The following DNAH12 variants were observed in gnomAD, a reference collection of about 807,000 sequenced individuals.
The protein encoded by DNAH12 is dynein axonemal heavy chain 12.
DNAH12 carries 285 observed loss-of-function variants against 371.5 expected under a neutral mutation model. The ratio of observed to expected loss-of-function variants is 0.77; its 90% CI spans 0.70 to 0.85. The LOEUF is 0.85. DNAH12 is among the 40% of genes least tolerant of loss of function. The pLI, the probability that DNAH12 is intolerant of heterozygous loss-of-function variation, is 0.00. For synonymous variants in DNAH12, 1,200 were observed against 1,213.0 expected (o/e 0.99, Z 0.22); for missense variants, 3,611 against 3,689.4 (o/e 0.98, Z 0.55).
At position 57,310,740 on chromosome 3, in the gene DNAH12, C is replaced by T; in HGVS notation, c.10873G>A (p.Glu3625Lys). ...ACCTTAATGAATTCAATGTAGTCCT[C>T]ATAAGTGCCTTTAGGAGGTGCAAAA... is the stretch of plus-strand genomic sequence containing the variant. Reference protein sequence around the residue: ...NYFAPPKGTYEDYIEFIKKLP... With the variant: ...NYFAPPKGTYKDYIEFIKKLP... Residue 3625 changes from glutamate to lysine, a missense_variant, in exon 67 of 74, where the codon GAG becomes AAG. By Grantham distance (56) the Glu-to-Lys change is moderately conservative (BLOSUM62 1). This residue lies in a region of DNAH12 where 2,266 missense variants were observed against 2,236.9 expected (regional missense o/e 1.01). Coordinates refer to ENST00000495027, the MANE Select transcript of DNAH12 (RefSeq NM_001366028.2). 1 of 1,551,292 alleles carries T rather than the reference C, an allele frequency of 6.4e-7. No individual in the cohort carries two copies. Among genetic ancestry groups the T allele is most frequent in the African/African-American group, 1.4e-5 (1 of 73,158 alleles).
At chr3:57,508,642 T>G in intron 6 of DNAH12, 102 bp from the exon 7 acceptor site, 1 of 1,354,904 alleles carries the variant, frequency 7.4e-7, no homozygotes, top group Non-Finnish European at 9.8e-7. Context: ...GTGAGAAAAC[T>G]GGGGCTTGAG....
intron 58 of DNAH12, among the ~76,000 whole-genome samples, chr3:57,361,970 C>G (rs1405580387): frequency 6.6e-6 from 1 of 151,986 alleles, no homozygotes. Flanking sequence ...CCCATTAACT[C>G]GTCATTTACA....
intron 47 of DNAH12, among the ~76,000 whole-genome samples, chr3:57,385,651 G>A (rs2063486146): frequency 6.6e-6 from 1 of 152,196 alleles, no homozygotes; most frequent in Admixed American, 6.5e-5. Context: ...GGAGGTCAAG[G>A]CCGGTGGACT....
At chr3:57,358,210 A>G (rs2062844283) in intron 58 of DNAH12, among the ~76,000 whole-genome samples, 2 of 152,244 alleles carry the variant, frequency 1.3e-5, no homozygotes, top group African/African-American at 4.8e-5. Context: ...TGGAGAATTA[A>G]AACTTTAAAA....
intron 4 of DNAH12, among the ~76,000 whole-genome samples, 178 bp from the exon 5 acceptor site, chr3:57,511,157 T>C (rs2067984950): frequency 6.6e-6 from 1 of 152,178 alleles, no homozygotes; most frequent in Non-Finnish European, 1.5e-5. Context: ...CATTTTATCT[T>C]TTTCTTTATT....
At chr3:57,303,560 C>T (rs542946421) in intron 69 of DNAH12, among the ~76,000 whole-genome samples, 42 of 151,804 alleles carry the variant, frequency 2.8e-4, no homozygotes, top group South Asian at 2.7e-3. Context: ...TACAGGTGCC[C>T]GCTACCACGC....
chr3:57,441,762 A>G (rs2065313084), intron 29 of DNAH12, among the ~76,000 whole-genome samples: 1 of 152,146 alleles, frequency 6.6e-6, no homozygotes, highest in Admixed American at 6.5e-5. Flanking sequence ...ACTGCACTCC[A>G]GCCTCGGCAA....
chr3:57,500,765 C>G (rs1360159237), intron 11 of DNAH12, among the ~76,000 whole-genome samples: 3 of 151,954 alleles, frequency 2.0e-5, no homozygotes, highest in Non-Finnish European at 2.9e-5. Context: ...AGTGCTTATG[C>G]CTTTTTTTTA....
intron 2 of DNAH12, among the ~76,000 whole-genome samples, chr3:57,526,867 T>C (rs933603978): frequency 1.3e-5 from 1 of 78,668 alleles, no homozygotes; most frequent in Non-Finnish European, 2.8e-5. Context: ...AGAGTCTTAC[T>C]CTGTCACCCA....
intron 27 of DNAH12, 137 bp from the exon 28 acceptor site, chr3:57,445,556 T>TTA: frequency 1.3e-6 from 1 of 776,454 alleles, no homozygotes; most frequent in Non-Finnish European, 1.8e-6. Flanking sequence ...TAATTTTTTT[T>TTA]AGTAGTACTT....
At chr3:57,322,192 G>T in intron 65 of DNAH12, 151 bp downstream of exon 65, 1 of 793,496 alleles carries the variant, frequency 1.3e-6, no homozygotes. Context: ...TGGTGAACAA[G>T]ATAAGTACAA....
At chr3:57,484,803 T>C (rs889500718) in intron 12 of DNAH12, among the ~76,000 whole-genome samples, 2 of 151,982 alleles carry the variant, frequency 1.3e-5, no homozygotes, top group Non-Finnish European at 2.9e-5. Flanking sequence ...AACAAAAGAC[T>C]AGTATCCAGA....
At chr3:57,451,901 G>C (rs867285567) in intron 25 of DNAH12, among the ~76,000 whole-genome samples, 2 of 152,126 alleles carry the variant, frequency 1.3e-5, no homozygotes, top group African/African-American at 4.8e-5. Context: ...GGGTGAGTGG[G>C]GAGAAGTAAT....
chr3:57,308,491 A>G (rs531458083), intron 69 of DNAH12, among the ~76,000 whole-genome samples: 4 of 152,070 alleles, frequency 2.6e-5, no homozygotes, highest in African/African-American at 7.2e-5. Context: ...CTGTATAGAC[A>G]CTCCTTTTTA....
At chr3:57,530,354 T>G (rs1168167830) in intron 2 of DNAH12, 1 of 481,586 alleles carries the variant, frequency 2.1e-6, no homozygotes. Flanking sequence ...TTTATTTGCC[T>G]TTCTGGGCCT....
intron 23 of DNAH12, among the ~76,000 whole-genome samples, chr3:57,453,840 C>G (rs1174639280): frequency 3.9e-5 from 6 of 152,054 alleles, no homozygotes; most frequent in African/African-American, 1.4e-4. Context: ...TCCCAAAGTG[C>G]TAGGATTACA....
At chr3:57,536,056 C>A (rs1461359877) in intron 2 of DNAH12, among the ~76,000 whole-genome samples, 1 of 151,076 alleles carries the variant, frequency 6.6e-6, no homozygotes, top group Non-Finnish European at 1.5e-5. Flanking sequence ...AGGCTGGTCT[C>A]GAACTCCTGA....
At position 57,445,228 on chromosome 3, in the gene DNAH12, T is replaced by A; in HGVS notation, c.4371A>T (p.Leu1457Phe). 6.4e-7 allele frequency: 1 copy of A among 1,550,532 alleles called. No individual in the cohort carries two copies. The highest frequency in any genetic ancestry group is 2.0e-5 in the Admixed American group (1 of 50,876). The stretch of plus-strand genomic sequence containing the variant: ...TTAGTTTTAGATTGCCAGCAGCCAC[T>A]AAAACGGCTTTTACTGCTCGCATTC... ...DYGMRAVKAVLVAAGNLKLKY... is the reference protein window; with the variant it reads ...DYGMRAVKAVFVAAGNLKLKY... The change falls in exon 28 of 74, where the codon TTA becomes TTT. Residue 1457 changes from leucine to phenylalanine, a missense_variant. Physicochemically the swap from Leu to Phe is conservative, Grantham distance 22. This residue lies in a region of DNAH12 where 2,266 missense variants were observed against 2,236.9 expected (regional missense o/e 1.01). Coordinates refer to ENST00000495027, the MANE Select transcript of DNAH12 (RefSeq NM_001366028.2).
rs574535557 is a variant in DNAH12 at position 57,541,043 on chromosome 3, C to T, written c.170+1658G>A. 2.4e-4 allele frequency among the ~76,000 whole-genome samples: 37 copies of T among 151,366 alleles called. No individual in the cohort carries two copies. The East Asian group carries it at 4.9e-3, about 20-fold the overall frequency. On this transcript the variant is annotated intron_variant, in intron 2 of 73. Transcript: ENST00000495027. ...GAAGGAGGAATGCATCTCTCCCCCT[C>T]CCTTTTATTTTTTTGAGATGGAGTC... is the stretch of plus-strand genomic sequence containing the variant.
Sources: gnomAD v4.1 joint callset for allele counts (sites outside exome capture counted in the v4.1 genomes callset) on GRCh38, gnomAD v4.1.1 for gene constraint, gnomAD v4.1.1 regional missense constraint, MANE v1.5 for transcripts, NCBI Gene and HGNC (gene_info 2026-07-23, HGNC 2026-07-21) for gene names.